Variants in TTC7B observed in about 807,000 individuals in gnomAD.
TTC7B encodes the protein tetratricopeptide repeat domain 7B, also known as tetratricopeptide repeat protein 7B.
TTC7B carries 28 observed loss-of-function variants against 106.8 expected under a neutral mutation model. The observed-to-expected ratio is 0.26, with a 90% CI of 0.19 to 0.36. The LOEUF is 0.36. Among genes scored for constraint, TTC7B ranks in the 10% least tolerant of loss-of-function variants. The pLI, the probability that TTC7B is intolerant of heterozygous loss-of-function variation, is 1.00. For synonymous variants in TTC7B, 405 were observed against 430.6 expected, an observed-to-expected ratio of 0.94 and a Z score of 0.74; for missense variants, 862 against 1,076.4, an observed-to-expected ratio of 0.80 and a Z score of 2.79.
intron 19 of TTC7B, among the ~76,000 whole-genome samples, chr14:90,553,093 C>T (rs968226604): frequency 3.9e-5 from 6 of 152,134 alleles, no homozygotes; most frequent in Non-Finnish European, 7.4e-5. Context: ...GGGAGTGTGC[C>T]GAGTATTCCA....
At chr14:90,555,181 A>T (rs1890249661) in intron 19 of TTC7B, among the ~76,000 whole-genome samples, 1 of 152,200 alleles carries the variant, frequency 6.6e-6, no homozygotes, top group Admixed American at 6.5e-5. Flanking sequence ...ACATTCCAAC[A>T]GTCCTTCCCT....
intron 14 of TTC7B, 70 bp from the exon 15 acceptor site, chr14:90,644,278 C>T: frequency 3.8e-6 from 3 of 789,636 alleles, no homozygotes; most frequent in Non-Finnish European, 5.0e-6. Context: ...CACACACACA[C>T]ACGCGCGAAA....
In TTC7B at chr14:90,799,049, A is replaced by T. The variant is rs563935395; in HGVS notation, c.122-12721T>A. Among the ~76,000 whole-genome samples, 161 of 152,130 alleles carry T rather than the reference A, an allele frequency of 1.1e-3. 1 individual carries two copies. The highest frequency in any genetic ancestry group is 3.5e-3 in the African/African-American group (147 of 41,522). Reference sequence around the variant, plus strand: ...GGCTCAGTCCATCATCTCAGAGCCAAGGAAGGAGTTTTACATCTGCGATCA... The same window carrying T: ...GGCTCAGTCCATCATCTCAGAGCCATGGAAGGAGTTTTACATCTGCGATCA... On this transcript the variant is annotated intron_variant, in intron 1 of 19. Coordinates refer to ENST00000328459, the MANE Select transcript of TTC7B (RefSeq NM_001010854.2).
chr14:90,754,677 C>T (rs1208599070), intron 3 of TTC7B, among the ~76,000 whole-genome samples: 3 of 152,138 alleles, frequency 2.0e-5, no homozygotes, highest in Admixed American at 1.3e-4. Flanking sequence ...CTAGCTAATT[C>T]CAGAACATTT....
Position 90,657,340 on chromosome 14 carries a change from C to T in TTC7B, c.1237-62G>A, listed in dbSNP as rs1885992646. 4 of 1,543,628 alleles carry T rather than the reference C, an allele frequency of 2.6e-6. No homozygotes were observed. The South Asian group carries it at 3.5e-5, about 13-fold the overall frequency. On this transcript the variant is annotated intron_variant, in intron 10 of 19. Transcript: ENST00000328459. This position sits in a 1 kb window ranked among gnomAD's most constrained non-coding sequence, Gnocchi z 4.2. ...TGTTTGACAGAACCGAATACTACAGCCTTCTCAGAGGGGTTTTTGGTCAGG... is the reference window on the plus strand; with the variant it reads ...TGTTTGACAGAACCGAATACTACAGTCTTCTCAGAGGGGTTTTTGGTCAGG...
chr14:90,562,385 G>T (rs1323609605), intron 19 of TTC7B, among the ~76,000 whole-genome samples: 1 of 152,190 alleles, frequency 6.6e-6, no homozygotes, highest in South Asian at 2.1e-4. Flanking sequence ...CTGTCAACGT[G>T]TTATGACAAG....
intron 7 of TTC7B, among the ~76,000 whole-genome samples, chr14:90,685,005 T>C (rs550591169): frequency 4.7e-4 from 71 of 152,344 alleles, no homozygotes; most frequent in African/African-American, 1.6e-3. Flanking sequence ...CAGGATTTTC[T>C]ACATTGTATT....
At chr14:90,568,032 CA>C (rs574814094) in intron 19 of TTC7B, among the ~76,000 whole-genome samples, 1 of 152,188 alleles carries the variant, frequency 6.6e-6, no homozygotes, top group Non-Finnish European at 1.5e-5. Flanking sequence ...CTGGGACCAG[CA>C]CCAAATGGTG....
intron 1 of TTC7B, among the ~76,000 whole-genome samples, chr14:90,795,418 G>A (rs1891742554): frequency 6.6e-6 from 1 of 152,206 alleles, no homozygotes; most frequent in Non-Finnish European, 1.5e-5. Flanking sequence ...GCACTCACCA[G>A]GCAGAGTGTG....
rs1889409214 is a variant in TTC7B, at chr14:90,535,933, C to A, written c.*5435G>T. On this transcript the variant is annotated 3_prime_UTR_variant, in exon 20 of 20. Transcript: ENST00000328459. ...TTTAGAGTTTCTTCTGGTGAGGACG[C>A]CAATCCTACTGGGCCAGGGCCCCTC... 1 of 152,460 alleles carries A rather than the reference C, an allele frequency of 6.6e-6. No individual in the cohort carries two copies. Among genetic ancestry groups the A allele is most frequent in the South Asian group, 2.1e-4 (1 of 4,836 alleles). The allele number at this position is 152,460 out of a possible 1,614,324, so 9.4% of individuals were successfully genotyped here. A position where few individuals can be genotyped will look rare whatever the true frequency, so the allele number is the denominator to read the frequency against.
intron 9 of TTC7B, among the ~76,000 whole-genome samples, chr14:90,668,387 A>C (rs1378621920): frequency 6.6e-6 from 1 of 152,202 alleles, no homozygotes; most frequent in African/African-American, 2.4e-5. Flanking sequence ...CAGCTAGGAA[A>C]GGGCAGAGCC....
At chr14:90,629,248 T>TG (rs2139862422) in intron 15 of TTC7B, among the ~76,000 whole-genome samples, 1 of 151,894 alleles carries the variant, frequency 6.6e-6, no homozygotes, top group South Asian at 2.1e-4. Flanking sequence ...GTTCCTTTTT[T>TG]TTTCTTTTTT....
chr14:90,695,052 TA>T (rs1489579007), intron 6 of TTC7B, among the ~76,000 whole-genome samples: 1 of 23,428 alleles, frequency 4.3e-5, no homozygotes. Flanking sequence ...TTATAAAATA[TA>T]TTTTATTTTA....
chr14:90,561,798 C>T (rs1190201366), intron 19 of TTC7B, among the ~76,000 whole-genome samples: 1 of 152,216 alleles, frequency 6.6e-6, no homozygotes, highest in African/African-American at 2.4e-5. Flanking sequence ...GGGCTGGCTA[C>T]AGCCCTAAGC....
At chr14:90,671,089 C>A (rs552295825) in intron 9 of TTC7B, among the ~76,000 whole-genome samples, 67 of 152,248 alleles carry the variant, frequency 4.4e-4, no homozygotes, top group African/African-American at 1.5e-3. Context: ...CCCACTGATA[C>A]CTTCTAGAAA....
intron 3 of TTC7B, among the ~76,000 whole-genome samples, chr14:90,758,228 G>T (rs572265284): frequency 6.7e-6 from 1 of 150,324 alleles, no homozygotes; most frequent in African/African-American, 2.5e-5. Context: ...TGGTCAGCCG[G>T]CCTTGGGGCA....
chr14:90,749,064 C>T (rs964953306), intron 3 of TTC7B, among the ~76,000 whole-genome samples: 18 of 152,168 alleles, frequency 1.2e-4, no homozygotes, highest in South Asian at 2.1e-4. Context: ...GCTGCTTCAC[C>T]GTATTCTCAC....
At chr14:90,634,049 G>T (rs75750601) in intron 15 of TTC7B, among the ~76,000 whole-genome samples, 2,894 of 151,948 alleles carry the variant, frequency 0.019, 101 homozygotes, top group African/African-American at 0.066. Context: ...GATAATTTTT[G>T]TATTTTTAGC....
chr14:90,622,766 A>G (rs1166458584), intron 15 of TTC7B, among the ~76,000 whole-genome samples: 1 of 151,976 alleles, frequency 6.6e-6, no homozygotes, highest in Non-Finnish European at 1.5e-5. Flanking sequence ...TTGTTCACAG[A>G]CTCATTAAAA....
Sources: allele counts gnomAD v4.1 joint callset (sites outside exome capture counted in the v4.1 genomes callset), GRCh38; gene constraint gnomAD v4.1.1; non-coding constraint Gnocchi (gnomAD v3.1); transcripts MANE v1.5; gene names NCBI Gene and HGNC (gene_info 2026-07-23, HGNC 2026-07-21).